Variants in CASK observed in about 807,000 individuals in gnomAD.
CASK encodes calcium/calmodulin dependent serine protein kinase.
Under a neutral mutation model 82.9 loss-of-function variants are expected in CASK, and 4 were observed. The ratio of observed to expected loss-of-function variants is 0.05; its 90% confidence interval spans 0.02 to 0.11. The LOEUF (loss-of-function observed/expected upper bound fraction) is 0.11. Among genes scored for constraint, CASK ranks in the 10% least tolerant of loss-of-function variants. CASK has a pLI of 1.00. For synonymous variants in CASK, 259 were observed against 253.5 expected (o/e 1.02, Z -0.20); for missense variants, 358 against 720.9 (o/e 0.50, Z 5.76).
intron 1 of CASK, among the ~76,000 whole-genome samples, chrX:41,914,603 C>T (rs776774946): frequency 8.9e-6 from 1 of 112,027 alleles, no homozygotes; most frequent in African/African-American, 3.2e-5. Flanking sequence ...ATTCAGTTTC[C>T]TATAGTAGAA....
Position 41,626,026 on chromosome X carries a change from A to T in CASK, c.1015+578T>A, listed in dbSNP as rs1419010126. Among the ~76,000 whole-genome samples, 4 of 97,810 alleles carry T rather than the reference A, an allele frequency of 4.1e-5. No individual in the cohort carries two copies. In the Admixed American group the frequency reaches 4.6e-4, roughly 11 times the overall value. The allele number at this position is 97,810 out of a possible 115,157, so 84.9% of individuals were successfully genotyped here. ...GCCATGTTGGCCAGGCTGGTCTCGAACTCCTGACCTGAGGTGATCTGCCTG... is the reference window on the plus strand; with the variant it reads ...GCCATGTTGGCCAGGCTGGTCTCGATCTCCTGACCTGAGGTGATCTGCCTG... On this transcript the variant is annotated intron_variant, in intron 10 of 26. Transcript: ENST00000378163.
At chrX:41,878,344 C>G in intron 1 of CASK, among the ~76,000 whole-genome samples, 1 of 111,079 alleles carries the variant, frequency 9.0e-6, no homozygotes. Flanking sequence ...CTTCAAGGAT[C>G]AATAATAAGG....
chrX:41,754,185 C>T (rs980568238), intron 3 of CASK, among the ~76,000 whole-genome samples: 1 of 110,503 alleles, frequency 9.0e-6, no homozygotes, highest in African/African-American at 3.3e-5. Flanking sequence ...ATCACTTGAG[C>T]CCAGGAGTTC....
intron 1 of CASK, among the ~76,000 whole-genome samples, chrX:41,894,292 TGACAGTA>T (rs1277808685): frequency 1.8e-5 from 2 of 110,638 alleles, no homozygotes; most frequent in African/African-American, 3.3e-5. Flanking sequence ...AAGTTTAAGT[TGACAGTA>T]GAAAAAAATC....
chrX:41,791,727 TA>T (rs761672032), intron 2 of CASK, among the ~76,000 whole-genome samples: 404 of 95,851 alleles, frequency 4.2e-3, no homozygotes, highest in African/African-American at 3.6e-3. Context: ...CATCTCAGAT[TA>T]AAAAAAAAAA....
At chrX:41,626,445 A>C (rs1485090730) in intron 10 of CASK, among the ~76,000 whole-genome samples, 159 bp downstream of exon 10, 2 of 112,567 alleles carry the variant, frequency 1.8e-5, no homozygotes, top group Non-Finnish European at 3.8e-5. Flanking sequence ...AATGAAAAGG[A>C]ACAAGACACA....
chrX:41,616,852 G>A, intron 11 of CASK, among the ~76,000 whole-genome samples: 1 of 111,814 alleles, frequency 8.9e-6, no homozygotes, highest in East Asian at 2.8e-4. Flanking sequence ...CGAGTGATCC[G>A]CCTGCCTAGG....
At position 41,748,670 on chromosome X, in the gene CASK, T is replaced by C. The variant is rs151123844; in HGVS notation, c.279-3069A>G. 1.5e-4 allele frequency: 19 copies of C among 124,621 alleles called. 1 individual carries two copies. In the East Asian group the frequency reaches 4.7e-3, roughly 31 times the overall value. The allele number at this position is 124,621 out of a possible 1,213,427, so 10.3% of individuals were successfully genotyped here. A position where few individuals can be genotyped will look rare whatever the true frequency, so the allele number is the denominator to read the frequency against. ...GGACTCTGGTGTTTCCAAAAAGAAT[T>C]TGGGAGATGTTCTGAGAGCTAGAGG... On this transcript the variant is annotated intron_variant, in intron 3 of 26. Transcript: ENST00000378163.
intron 1 of CASK, among the ~76,000 whole-genome samples, chrX:41,898,628 T>A (rs2072313865): frequency 8.9e-6 from 1 of 112,000 alleles, no homozygotes; most frequent in Non-Finnish European, 1.9e-5. Flanking sequence ...AGTTTTGGTA[T>A]GTTGTGTTTC....
At chrX:41,869,838 C>CAAAAAAAAAAAAAAAAAAA (rs2071670954) in intron 1 of CASK, among the ~76,000 whole-genome samples, 8 of 44,162 alleles carry the variant, frequency 1.8e-4, no homozygotes, top group Non-Finnish European at 3.2e-4. Flanking sequence ...AAAAAAAAAG[C>CAAAAAAAAAAAAAAAAAAA]CAAAATTTAA....
intron 22 of CASK, among the ~76,000 whole-genome samples, chrX:41,540,418 T>C (rs2064931682): frequency 8.9e-6 from 1 of 112,659 alleles, no homozygotes; most frequent in African/African-American, 3.2e-5. Flanking sequence ...GAGCCTGAGA[T>C]AGACAGTACA....
chrX:41,608,742 T>C (rs1240919247), intron 12 of CASK, among the ~76,000 whole-genome samples: 2 of 112,271 alleles, frequency 1.8e-5, no homozygotes, highest in African/African-American at 6.5e-5. Flanking sequence ...AGATGGAGTA[T>C]ATGCTTATGT....
At chrX:41,743,749 A>C (rs779469940) in intron 4 of CASK, 2 of 295,414 alleles carry the variant, frequency 6.8e-6, no homozygotes, top group East Asian at 9.5e-5. Flanking sequence ...ATAATTGTAA[A>C]AGAAATGGTA....
Position 41,814,703 on chromosome X carries a change from C to A in CASK, c.173-27420G>T, listed in dbSNP as rs746093872. Among the ~76,000 whole-genome samples, 925 of 109,659 alleles carry A rather than the reference C, an allele frequency of 8.4e-3. 13 individuals carry two copies. Among genetic ancestry groups the A allele is most frequent in the African/African-American group, 0.03 (892 of 29,960 alleles). On this transcript the variant is annotated intron_variant, in intron 2 of 26. Transcript: ENST00000378163. ...CATGTATACATATGTTACAAACCTG[C>A]ACGTTGTGCACATGTACCCTAGAAC...
chrX:41,621,559 A>G (rs766927718), intron 11 of CASK, among the ~76,000 whole-genome samples: 1 of 111,844 alleles, frequency 8.9e-6, no homozygotes, highest in South Asian at 3.7e-4. Flanking sequence ...TTCCGGTGAG[A>G]TAGCAGCACT....
At chrX:41,590,429 G>A (rs1602311845) in intron 12 of CASK, among the ~76,000 whole-genome samples, 1 of 97,332 alleles carries the variant, frequency 1.0e-5, no homozygotes, top group East Asian at 3.3e-4. Flanking sequence ...AGAATTGCTT[G>A]AACCTGAGAG....
chrX:41,542,803 T>A lies in CASK; in HGVS notation c.2043A>T (p.Arg681=), dbSNP rs775058522. 3 of 1,119,987 alleles carry A rather than the reference T, an allele frequency of 2.7e-6. No homozygotes were observed. In the African/African-American group the frequency reaches 5.4e-5, roughly 20 times the overall value. 92.3% of individuals were successfully genotyped at this position (1,119,987 alleles called of 1,213,427 possible). ...LIPSPELQEW[R]VACIAMEKTK... is the part of the protein sequence containing the mutation. ...TCTTCTCCATGGCAATGCAAGCTAC[T>A]CGCCTAGCACATACAAAAAGAAAAA... The change falls in exon 22 of 27, where the codon CGA becomes CGT. Residue 681 remains arginine, a synonymous_variant. Coordinates refer to ENST00000378163, the MANE Select transcript of CASK (RefSeq NM_001367721.1).
intron 8 of CASK, among the ~76,000 whole-genome samples, chrX:41,642,994 T>C (rs1466068254): frequency 8.9e-6 from 1 of 112,349 alleles, no homozygotes; most frequent in Non-Finnish European, 1.9e-5. Flanking sequence ...GCACCATTTA[T>C]TAAATAGGGA....
At chrX:41,731,231 T>A (rs926324909) in intron 5 of CASK, among the ~76,000 whole-genome samples, 8 of 111,507 alleles carry the variant, frequency 7.2e-5, no homozygotes, top group Non-Finnish European at 1.5e-4. Context: ...ACCAGCCTGA[T>A]CAACATAGTG....
Sources: allele counts gnomAD v4.1 joint callset (sites outside exome capture counted in the v4.1 genomes callset), GRCh38; gene constraint gnomAD v4.1.1; transcripts MANE v1.5; gene names NCBI Gene and HGNC (gene_info 2026-07-23, HGNC 2026-07-21).